The following DLG5 variants were observed in gnomAD, a reference collection of about 807,000 sequenced individuals.
DLG5 encodes discs large MAGUK scaffold protein 5, also known as disks large homolog 5.
DLG5 carries 48 observed loss-of-function variants against 189.8 expected under a neutral mutation model. The ratio of observed to expected loss-of-function variants is 0.25; its 90% confidence interval spans 0.20 to 0.32. DLG5 has a LOEUF of 0.32. Ranked by LOEUF, DLG5 falls within the 10% of genes least tolerant of loss-of-function variation. The pLI, the probability that DLG5 is intolerant of heterozygous loss-of-function variation, is 1.00. For missense variants in DLG5, 2,160 were observed against 2,544.7 expected, an observed-to-expected ratio of 0.85 and a Z score of 3.25; for synonymous variants, 1,016 against 1,054.1, an observed-to-expected ratio of 0.96 and a Z score of 0.70.
At chr10:77,798,020 C>T (rs928541340) in intron 27 of DLG5, among the ~76,000 whole-genome samples, 2 of 152,028 alleles carry the variant, frequency 1.3e-5, no homozygotes, top group Non-Finnish European at 2.9e-5. Flanking sequence ...GACCCCTTCT[C>T]TACTAAAAAT....
chr10:77,796,027 G>A lies in DLG5; in HGVS notation c.5436+34C>T. The A allele has an allele frequency of 1.2e-6, 2 of 1,613,990 alleles. No individual in the cohort carries two copies. Among genetic ancestry groups the A allele is most frequent in the South Asian group, 1.1e-5 (1 of 91,066 alleles). On this transcript the variant is annotated intron_variant, in intron 29 of 31. Transcript: ENST00000372391. The surrounding 1 kb of genome is among the most constrained non-coding windows in gnomAD (Gnocchi z 5.2). ...ACCTGTGCACAGGAGGTCTAATACT[G>A]GATGCCTAATCCTCAGACTGAAGCC...
intron 2 of DLG5, among the ~76,000 whole-genome samples, chr10:77,861,696 C>G (rs953043626): frequency 7.9e-5 from 12 of 152,202 alleles, no homozygotes; most frequent in African/African-American, 2.9e-4. Context: ...GCTAGGATTG[C>G]TCCTTGAGAA....
intron 8 of DLG5, among the ~76,000 whole-genome samples, chr10:77,834,886 C>G (rs1209560897): frequency 6.6e-6 from 1 of 152,124 alleles, no homozygotes; most frequent in Non-Finnish European, 1.5e-5. Flanking sequence ...CCTAGCCATC[C>G]TCATCTCCTG....
At chr10:77,867,996 G>A (rs1377489694) in intron 2 of DLG5, 14 of 456,518 alleles carry the variant, frequency 3.1e-5, no homozygotes, top group Non-Finnish European at 5.7e-5. Context: ...GTGTGATGTC[G>A]GCAAACCAAG....
chr10:77,878,425 C>T (rs771670652), intron 1 of DLG5, among the ~76,000 whole-genome samples: 4 of 152,216 alleles, frequency 2.6e-5, no homozygotes, highest in Non-Finnish European at 4.4e-5. Flanking sequence ...TTACTGTTAC[C>T]GTCTCACAGG....
chr10:77,828,853 A>T, intron 13 of DLG5, 29 bp downstream of exon 13: 1 of 1,601,102 alleles, frequency 6.2e-7, no homozygotes, highest in Non-Finnish European at 8.5e-7. Flanking sequence ...TGCACGGCAG[A>T]TGACCCTGGC....
chr10:77,923,838 T>C (rs1356903881), intron 1 of DLG5, among the ~76,000 whole-genome samples: 2 of 151,880 alleles, frequency 1.3e-5, no homozygotes, highest in African/African-American at 2.4e-5. Context: ...AGGTGGCATC[T>C]TGCCATACCA....
intron 1 of DLG5, among the ~76,000 whole-genome samples, chr10:77,888,655 C>T (rs1188644908): frequency 6.6e-6 from 1 of 152,110 alleles, no homozygotes; most frequent in Admixed American, 6.5e-5. Context: ...GATAGGAATG[C>T]GCCCAAATCC....
intron 1 of DLG5, among the ~76,000 whole-genome samples, chr10:77,908,747 T>C (rs1484381754): frequency 6.6e-6 from 1 of 151,676 alleles, no homozygotes; most frequent in Non-Finnish European, 1.5e-5. Context: ...TACTACTAGA[T>C]ACCCACTTGT....
intron 31 of DLG5, chr10:77,793,549 T>G: frequency 8.0e-6 from 1 of 125,054 alleles, no homozygotes. Flanking sequence ...TTTTGTTTTG[T>G]TTTTTGTTTT....
At position 77,854,385 on chromosome 10, in the gene DLG5, G is replaced by A. The variant is rs371060945; in HGVS notation, c.537-15C>T. The stretch of plus-strand genomic sequence containing the variant: ...TGTGGTAGGGCCTGGCCCAGAGAGC[G>A]AATGGCCCCATGAACACAGGCCCCA... On this transcript the variant is annotated splice_polypyrimidine_tract_variant and intron_variant, in intron 3 of 31. Transcript: ENST00000372391. 129 of 1,613,294 alleles carry A rather than the reference G, an allele frequency of 8.0e-5. No individual in the cohort carries two copies. Among genetic ancestry groups the A allele is most frequent in the Non-Finnish European group, 1.0e-4 (122 of 1,179,914 alleles).
intron 1 of DLG5, among the ~76,000 whole-genome samples, chr10:77,918,147 A>C (rs913379504): frequency 2.0e-5 from 3 of 152,142 alleles, no homozygotes; most frequent in Non-Finnish European, 4.4e-5. Flanking sequence ...GCGGTGGCTC[A>C]CGCCTGTAAT....
At chr10:77,897,170 A>G (rs1279139169) in intron 1 of DLG5, among the ~76,000 whole-genome samples, 1 of 152,026 alleles carries the variant, frequency 6.6e-6, no homozygotes, top group Admixed American at 6.5e-5. Flanking sequence ...AGTCTGGCCA[A>G]CATGGTGAAA....
At chr10:77,929,467 A>G (rs1285000623), upstream of DLG5, 1 of 152,186 alleles carries the variant, frequency 6.6e-6, no homozygotes, top group Non-Finnish European at 1.5e-5. Context: ...TTCTAGTCCT[A>G]ATTCCCAGTA....
intron 24 of DLG5, among the ~76,000 whole-genome samples, chr10:77,808,273 T>G (rs1345547515): frequency 6.6e-6 from 1 of 152,118 alleles, no homozygotes; most frequent in Non-Finnish European, 1.5e-5. Context: ...GTGCTTTTAT[T>G]TATTTATTTT....
At chr10:77,793,175 A>T (rs1840724303) in intron 31 of DLG5, 1 of 152,542 alleles carries the variant, frequency 6.6e-6, no homozygotes, top group African/African-American at 2.4e-5. Context: ...CTTTTGCAAG[A>T]CTTAGAGTTT....
At chr10:77,913,247 AT>A (rs1450440021) in intron 1 of DLG5, among the ~76,000 whole-genome samples, 1 of 152,152 alleles carries the variant, frequency 6.6e-6, no homozygotes, top group Non-Finnish European at 1.5e-5. Flanking sequence ...AGCACCAATC[AT>A]TTTTAAAAGT....
rs1302174694 is a variant in DLG5, at chr10:77,819,906, C to A, written c.3515G>T (p.Arg1172Met). 6.3e-7 allele frequency: 1 copy of A among 1,581,554 alleles called. No homozygotes were observed. The highest frequency in any genetic ancestry group is 8.6e-7 in the Non-Finnish European group (1 of 1,164,810). Residue 1172 changes from arginine (R) to methionine (M), a missense_variant, in exon 16 of 32, where the codon AGG (arginine) becomes ATG (methionine). Physicochemically the swap from Arg to Met is moderately conservative, Grantham distance 91. Transcript: ENST00000372391. ...RHSNPPLYPS[R>M]PSVGTVPRSL... ...GCTGGCTGACTCACCCACAGACGGC[C>A]TGCTAGGGTATAGCGGGGGGTTGCT...
intron 4 of DLG5, 87 bp from the exon 5 acceptor site, chr10:77,853,624 A>C: frequency 7.5e-7 from 1 of 1,328,456 alleles, no homozygotes; most frequent in Non-Finnish European, 1.0e-6. Context: ...TCAGGTCCCA[A>C]CACTTCCCGT....
Sources: gnomAD v4.1 joint callset for allele counts (sites outside exome capture counted in the v4.1 genomes callset) on GRCh38, gnomAD v4.1.1 for gene constraint, Gnocchi (gnomAD v3.1) non-coding constraint, MANE v1.5 for transcripts, NCBI Gene and HGNC (gene_info 2026-07-23, HGNC 2026-07-21) for gene names.